Variants in CDK14 observed in about 807,000 individuals in gnomAD.
CDK14 encodes cyclin-dependent kinase 14.
In CDK14, 34 loss-of-function variants were observed where a neutral mutation model predicts 60.7. The observed-to-expected ratio is 0.56, with a 90% CI of 0.43 to 0.75. CDK14 has a LOEUF of 0.75. Among genes scored for constraint, CDK14 ranks in the 30% least tolerant of loss-of-function variants. The pLI is 0.00. For synonymous variants in CDK14, 197 were observed against 203.7 expected (o/e 0.97, Z 0.28); for missense variants, 482 against 564.1 (o/e 0.85, Z 1.47).
intron 5 of CDK14, among the ~76,000 whole-genome samples, chr7:90,825,755 G>A (rs1789700225): frequency 6.6e-6 from 1 of 152,142 alleles, no homozygotes; most frequent in Admixed American, 6.5e-5. Flanking sequence ...TTTTTATTAA[G>A]CTGTTTTGCT....
rs192983865 is a variant in CDK14, at chr7:91,155,495, A to T, written c.*28+37287A>T. On this transcript the variant is annotated intron_variant, in intron 14 of 14. Transcript: ENST00000380050. The stretch of plus-strand genomic sequence containing the variant: ...GTTTTATTGGTTGTTTTCAAACACA[A>T]CTTAGAATTCTTTTTATTCCATTAG... 2.4e-3 allele frequency among the ~76,000 whole-genome samples: 358 copies of T among 152,328 alleles called. 3 individuals carry two copies. Among genetic ancestry groups the T allele is most frequent in the African/African-American group, 8.1e-3 (337 of 41,580 alleles).
At chr7:90,649,350 TTCCTTCCTTCCTTCCTTTCCTTCCTTCC>T (rs1800559650) in intron 2 of CDK14, among the ~76,000 whole-genome samples, 1 of 49,142 alleles carries the variant, frequency 2.0e-5, no homozygotes, top group African/African-American at 1.3e-4. Context: ...CCTTCCTTCC[TTCCTTCCTTCCTTCCTTTCCTTCCTTCC>T]TTCCTTCCTT....
At chr7:90,896,918 G>T (rs1792355520) in intron 6 of CDK14, among the ~76,000 whole-genome samples, 1 of 152,110 alleles carries the variant, frequency 6.6e-6, no homozygotes, top group Non-Finnish European at 1.5e-5. Context: ...CAGTTTTTGT[G>T]AGTAGGCCAT....
intron 9 of CDK14, among the ~76,000 whole-genome samples, chr7:90,962,151 C>T (rs959867859): frequency 1.3e-5 from 2 of 152,018 alleles, no homozygotes; most frequent in African/African-American, 2.4e-5. Context: ...TTAGTGATAG[C>T]TTTGGCATGC....
Position 91,099,171 on chromosome 7 carries a change from T to C in CDK14, c.1155-13371T>C, listed in dbSNP as rs193114959. On this transcript the variant is annotated intron_variant, in intron 12 of 14. Transcript: ENST00000380050. Reference sequence around the variant, plus strand: ...AGAATGAAAGGCTAGGTAGCCACCATTTCTGTTAACTCCATTTACCATAAT... The same window carrying C: ...AGAATGAAAGGCTAGGTAGCCACCACTTCTGTTAACTCCATTTACCATAAT... Among the ~76,000 whole-genome samples the C allele has an allele frequency of 2.0e-5, 3 of 152,276 alleles. No homozygotes were observed. In the East Asian group the frequency reaches 5.8e-4, roughly 29 times the overall value.
chr7:90,880,111 G>A lies in CDK14; in HGVS notation c.639+16842G>A, dbSNP rs1334779458. Among the ~76,000 whole-genome samples, 4 of 152,368 alleles carry A rather than the reference G, an allele frequency of 2.6e-5. No homozygotes were observed. The South Asian group carries it at 8.3e-4, about 32-fold the overall frequency. On this transcript the variant is annotated intron_variant, in intron 6 of 14. Coordinates refer to ENST00000380050, the MANE Select transcript of CDK14 (RefSeq NM_001287135.2). ...GATGCGATCAGCATTGGCTGCAGCT[G>A]CCTGCTGTCTAAGCCATTTGAGCTC...
At chr7:90,794,629 C>T (rs1805978544) in intron 5 of CDK14, among the ~76,000 whole-genome samples, 1 of 152,176 alleles carries the variant, frequency 6.6e-6, no homozygotes, top group Non-Finnish European at 1.5e-5. Flanking sequence ...TAGTTATCTC[C>T]CTTGTTCCCT....
intron 2 of CDK14, among the ~76,000 whole-genome samples, chr7:90,628,476 C>T (rs888237764): frequency 7.9e-5 from 12 of 152,108 alleles, no homozygotes; most frequent in African/African-American, 2.9e-4. Context: ...TATTCTGCCA[C>T]AGTCCTTCTC....
chr7:90,778,667 T>C (rs1016631731), intron 4 of CDK14, among the ~76,000 whole-genome samples: 1 of 152,186 alleles, frequency 6.6e-6, no homozygotes, highest in Non-Finnish European at 1.5e-5. Flanking sequence ...GCTCTATCCT[T>C]CTTCCCCCAT....
At chr7:90,804,432 T>C (rs1476345876) in intron 5 of CDK14, among the ~76,000 whole-genome samples, 2 of 152,194 alleles carry the variant, frequency 1.3e-5, no homozygotes, top group Non-Finnish European at 2.9e-5. Context: ...CAATCACCCT[T>C]TCTGTCTGTC....
chr7:90,940,945 C>T (rs1447943532), intron 8 of CDK14, among the ~76,000 whole-genome samples: 1 of 152,188 alleles, frequency 6.6e-6, no homozygotes, highest in Non-Finnish European at 1.5e-5. Flanking sequence ...CTTCCAAGTT[C>T]AGTTCAACCA....
intron 8 of CDK14, among the ~76,000 whole-genome samples, chr7:90,925,657 T>TC (rs1390840013): frequency 2.0e-5 from 3 of 151,946 alleles, no homozygotes; most frequent in Non-Finnish European, 4.4e-5. Flanking sequence ...AGGCTGGGAG[T>TC]CCAAGTCTAG....
chr7:90,835,290 G>A (rs1008143427), intron 5 of CDK14, among the ~76,000 whole-genome samples: 1 of 152,096 alleles, frequency 6.6e-6, no homozygotes, highest in African/African-American at 2.4e-5. Context: ...TTAAGCGTGG[G>A]TAAGTGTGGC....
intron 11 of CDK14, among the ~76,000 whole-genome samples, chr7:91,047,965 G>A (rs557631402): frequency 2.6e-5 from 4 of 152,062 alleles, no homozygotes; most frequent in Non-Finnish European, 5.9e-5. Context: ...CAGTGCTAGG[G>A]TCCGCCTGTC....
At chr7:90,748,673 C>T (rs1803692007) in intron 4 of CDK14, among the ~76,000 whole-genome samples, 2 of 152,154 alleles carry the variant, frequency 1.3e-5, no homozygotes, top group Admixed American at 6.5e-5. Context: ...GCCTCAACCT[C>T]CTGGGCTCAA....
chr7:90,769,952 A>T (rs1804719804), intron 4 of CDK14, among the ~76,000 whole-genome samples: 1 of 152,226 alleles, frequency 6.6e-6, no homozygotes, highest in East Asian at 1.9e-4. Flanking sequence ...AGCCATATAA[A>T]CATGAATTTT....
At chr7:90,811,874 C>T (rs1019990437) in intron 5 of CDK14, among the ~76,000 whole-genome samples, 4 of 152,218 alleles carry the variant, frequency 2.6e-5, no homozygotes, top group Non-Finnish European at 4.4e-5. Flanking sequence ...AAATGCTCAT[C>T]ATCACTGGCC....
chr7:91,197,554 C>A (rs1802586234), intron 14 of CDK14, among the ~76,000 whole-genome samples: 1 of 152,128 alleles, frequency 6.6e-6, no homozygotes. Context: ...TTTCAGAAGA[C>A]ACTGAATCAT....
At chr7:91,088,941 A>ATG (rs891758232) in intron 12 of CDK14, among the ~76,000 whole-genome samples, 6 of 151,054 alleles carry the variant, frequency 4.0e-5, no homozygotes, top group African/African-American at 9.7e-5. Context: ...GTGAGTGTGC[A>ATG]TGTGTGTGTG....
Sources: allele counts gnomAD v4.1 joint callset (sites outside exome capture counted in the v4.1 genomes callset), GRCh38; gene constraint gnomAD v4.1.1; transcripts MANE v1.5; gene names NCBI Gene and HGNC (gene_info 2026-07-23, HGNC 2026-07-21).